Variants in CMSS1 observed in about 807,000 individuals in gnomAD.
The protein encoded by CMSS1 is cms1 ribosomal small subunit homolog.
In CMSS1, 33 loss-of-function variants were observed where a neutral mutation model predicts 43.5. The ratio of observed to expected loss-of-function variants is 0.76; its 90% CI spans 0.57 to 1.01. CMSS1 has a LOEUF of 1.01. Ranked by LOEUF, CMSS1 falls within the 50% of genes least tolerant of loss-of-function variation. The pLI is 0.00. For synonymous variants in CMSS1, 115 were observed against 117.2 expected (o/e 0.98, Z 0.12); for missense variants, 313 against 326.4 (o/e 0.96, Z 0.32).
Position 100,178,947 on chromosome 3 carries a change from A to C in CMSS1, c.*559A>C, listed in dbSNP as rs975494046. On this transcript the variant is annotated 3_prime_UTR_variant, in exon 10 of 10. Transcript: ENST00000421999. ...CAGTTTCACAGGCTGTACAGGAGGC[A>C]TGGCTGAGAGGCCTCAGGAAACTTG... 2 of 155,932 alleles carry C rather than the reference A, an allele frequency of 1.3e-5. No homozygotes were observed. Among genetic ancestry groups the C allele is most frequent in the Admixed American group, 6.5e-5 (1 of 15,402 alleles). 9.7% of individuals were successfully genotyped at this position (155,932 alleles called of 1,614,324 possible). A position where few individuals can be genotyped will look rare whatever the true frequency, so the allele number is the denominator to read the frequency against.
intron 8 of CMSS1, among the ~76,000 whole-genome samples, chr3:100,173,042 G>A (rs927102607): frequency 6.6e-6 from 1 of 151,946 alleles, no homozygotes; most frequent in African/African-American, 2.4e-5. Context: ...ATATAATAGA[G>A]CTTTTTTTTT....
intron 1 of CMSS1, among the ~76,000 whole-genome samples, chr3:99,901,216 G>A (rs1262638566): frequency 2.0e-5 from 3 of 152,178 alleles, no homozygotes; most frequent in Non-Finnish European, 4.4e-5. Context: ...AAAACAAAAT[G>A]GCTACACGTT....
At chr3:99,930,124 T>C (rs1707430643) in intron 1 of CMSS1, 2 of 990,006 alleles carry the variant, frequency 2.0e-6, no homozygotes, top group Non-Finnish European at 3.0e-6. Flanking sequence ...TTTTCTTCTC[T>C]TTCAAATCTA....
intron 1 of CMSS1, among the ~76,000 whole-genome samples, chr3:99,889,853 C>T (rs1023846467): frequency 6.6e-6 from 1 of 151,994 alleles, no homozygotes; most frequent in Non-Finnish European, 1.5e-5. Context: ...AGCATACCCT[C>T]CCAGTTTTTA....
At chr3:99,834,383 A>G (rs1942809726) in intron 1 of CMSS1, among the ~76,000 whole-genome samples, 1 of 152,186 alleles carries the variant, frequency 6.6e-6, no homozygotes, top group Admixed American at 6.5e-5. Flanking sequence ...TCTGTAATGT[A>G]TCATGGTTTG....
intron 2 of CMSS1, among the ~76,000 whole-genome samples, 193 bp from the exon 3 acceptor site, chr3:100,160,237 C>T (rs1187730552): frequency 1.3e-5 from 2 of 152,208 alleles, no homozygotes; most frequent in African/African-American, 4.8e-5. Flanking sequence ...CGCTTTCTGA[C>T]TTTCTCAAAT....
In CMSS1 at chr3:100,119,481, T is replaced by C. The variant is rs138429865; in HGVS notation, c.65-27492T>C. ...ATGTTATTGCAATTGCCAAGCATAC[T>C]TGTCTCTCCCCCACTAATGGGAAGT... On this transcript the variant is annotated intron_variant, in intron 1 of 9. Coordinates refer to ENST00000421999, the MANE Select transcript of CMSS1 (RefSeq NM_032359.4). 2.9e-3 allele frequency among the ~76,000 whole-genome samples: 436 copies of C among 152,328 alleles called. 3 individuals carry two copies. Among genetic ancestry groups the C allele is most frequent in the African/African-American group, 9.9e-3 (411 of 41,568 alleles).
chr3:100,078,070 G>A lies in CMSS1; in HGVS notation c.65-68903G>A, dbSNP rs546590854. 2.0e-5 allele frequency among the ~76,000 whole-genome samples: 3 copies of A among 150,896 alleles called. No individual in the cohort carries two copies. The East Asian group carries it at 5.8e-4, about 29-fold the overall frequency. The stretch of plus-strand genomic sequence containing the variant: ...TATCCTATTTATAAGTTAGAATTGG[G>A]CTTGCTTTAAAAAAAAAAAAGATAA... On this transcript the variant is annotated intron_variant, in intron 1 of 9. Transcript: ENST00000421999.
intron 1 of CMSS1, among the ~76,000 whole-genome samples, chr3:99,870,185 G>A (rs1183160202): frequency 6.6e-5 from 10 of 152,064 alleles, no homozygotes; most frequent in Non-Finnish European, 1.5e-5. Flanking sequence ...TTCCCTTTTT[G>A]TAATTTGTAG....
chr3:99,942,249 G>C (rs894862018), intron 1 of CMSS1, among the ~76,000 whole-genome samples: 15 of 151,954 alleles, frequency 9.9e-5, no homozygotes, highest in African/African-American at 3.4e-4. Flanking sequence ...TGTGTTAATG[G>C]CATTGTGTTT....
At chr3:100,116,320 A>C (rs1039456428) in intron 1 of CMSS1, among the ~76,000 whole-genome samples, 34 of 152,198 alleles carry the variant, frequency 2.2e-4, no homozygotes, top group Non-Finnish European at 4.4e-5. Context: ...ATTTATATCA[A>C]CATGAGCTCA....
chr3:100,076,706 C>T (rs557306464), intron 1 of CMSS1, among the ~76,000 whole-genome samples: 4 of 152,182 alleles, frequency 2.6e-5, no homozygotes, highest in African/African-American at 9.7e-5. Context: ...TTTGACTTCA[C>T]CTCTGTTTCT....
intron 8 of CMSS1, among the ~76,000 whole-genome samples, chr3:100,176,033 G>A (rs1257779597): frequency 6.6e-6 from 1 of 152,168 alleles, no homozygotes; most frequent in Non-Finnish European, 1.5e-5. Context: ...TGAGACTATA[G>A]CCTCTGGGGC....
intron 1 of CMSS1, among the ~76,000 whole-genome samples, chr3:99,975,671 G>C (rs758066650): frequency 1.3e-5 from 2 of 152,148 alleles, no homozygotes; most frequent in Non-Finnish European, 2.9e-5. Flanking sequence ...GAGAAACACA[G>C]AGGAAGAGAG....
At chr3:100,166,441 C>A in intron 5 of CMSS1, 47 bp downstream of exon 5, 2 of 1,317,684 alleles carry the variant, frequency 1.5e-6, no homozygotes, top group Non-Finnish European at 2.2e-6. Flanking sequence ...TCTTATTTTG[C>A]TCTGGTTTTG....
At chr3:100,019,267 G>A (rs1399185267) in intron 1 of CMSS1, among the ~76,000 whole-genome samples, 1 of 152,190 alleles carries the variant, frequency 6.6e-6, no homozygotes, top group Admixed American at 6.5e-5. Flanking sequence ...GGCTGAGGCA[G>A]GAGGATCTCT....
intron 1 of CMSS1, among the ~76,000 whole-genome samples, chr3:99,985,683 G>T (rs1295184761): frequency 6.6e-6 from 1 of 151,904 alleles, no homozygotes; most frequent in Non-Finnish European, 1.5e-5. Flanking sequence ...CCGTCTCCTG[G>T]GTTCAAGCAA....
chr3:100,036,863 C>T (rs1346000745), intron 1 of CMSS1, among the ~76,000 whole-genome samples: 1 of 152,098 alleles, frequency 6.6e-6, no homozygotes, highest in Non-Finnish European at 1.5e-5. Context: ...TGATATTACG[C>T]AGTGAGAAAG....
intron 1 of CMSS1, among the ~76,000 whole-genome samples, chr3:99,842,861 T>A (rs998624618): frequency 3.9e-5 from 6 of 152,192 alleles, no homozygotes; most frequent in Non-Finnish European, 7.3e-5. Flanking sequence ...TATCAAATTA[T>A]GAAGTACTTA....
Sources: allele counts gnomAD v4.1 joint callset (sites outside exome capture counted in the v4.1 genomes callset), GRCh38; gene constraint gnomAD v4.1.1; transcripts MANE v1.5; gene names NCBI Gene and HGNC (gene_info 2026-07-23, HGNC 2026-07-21).